Variants in DHX32 observed in about 807,000 individuals in gnomAD.
DHX32 encodes the protein DEAH-box helicase 32 (putative).
Under a neutral mutation model 70.0 loss-of-function variants are expected in DHX32, and 51 were observed. The observed-to-expected ratio is 0.73, with a 90% confidence interval of 0.58 to 0.92. The LOEUF is 0.92. Among genes scored for constraint, DHX32 ranks in the 40% least tolerant of loss-of-function variants. The pLI, the probability that DHX32 is intolerant of heterozygous loss-of-function variation, is 0.00. For synonymous variants in DHX32, 310 were observed against 315.3 expected, an observed-to-expected ratio of 0.98 and a Z score of 0.18; for missense variants, 762 against 891.8, an observed-to-expected ratio of 0.85 and a Z score of 1.85.
At chr10:125,879,015 G>GTTT (rs35025096) in intron 1 of DHX32, among the ~76,000 whole-genome samples, 5 of 56,674 alleles carry the variant, frequency 8.8e-5, no homozygotes, top group Non-Finnish European at 1.2e-4. Flanking sequence ...GCCTTTTCTT[G>GTTT]TTTTTTTTTT....
intron 10 of DHX32, 91 bp downstream of exon 10, chr10:125,838,115 T>C: frequency 1.6e-6 from 2 of 1,262,216 alleles, no homozygotes; most frequent in Non-Finnish European, 1.1e-6. Flanking sequence ...GTATAAACTT[T>C]AGAACTAAGA....
In DHX32 at chr10:125,854,049, C is replaced by T; in HGVS notation, c.1004G>A (p.Arg335Lys). 2 of 1,614,072 alleles carry T rather than the reference C, an allele frequency of 1.2e-6. No homozygotes were observed. Among genetic ancestry groups the T allele is most frequent in the East Asian group, 4.5e-5 (2 of 44,864 alleles). ...TEKRCQVYQR[R>K]VVLTTSSGEF... ...TCCAGAGCTAGTAGTTAACACCACT[C>T]TTCTTTGATAAACTTGGCATCTTTT... Residue 335 changes from arginine (R) to lysine (K), a missense_variant, in exon 4 of 11, where the codon AGA (arginine) becomes AAA (lysine). Arg to Lys is a conservative substitution (Grantham distance 26, BLOSUM62 2). Transcript: ENST00000284690.
At chr10:125,861,104 G>C (rs1944185444) in intron 2 of DHX32, among the ~76,000 whole-genome samples, 1 of 151,974 alleles carries the variant, frequency 6.6e-6, no homozygotes, top group African/African-American at 2.4e-5. Flanking sequence ...ATTTATTCTT[G>C]TACATGGCAA....
chr10:125,836,426 AC>A lies in DHX32; in HGVS notation c.*260del. 6.9e-7 allele frequency: 1 copy of A among 1,445,836 alleles called. No individual in the cohort carries two copies. The highest frequency in any genetic ancestry group is 2.5e-5 in the East Asian group (1 of 39,566). 89.6% of individuals were successfully genotyped at this position (1,445,836 alleles called of 1,614,324 possible). ...TGTGTCTCTGACACATTTACAAAAT[AC>A]CAGTTTTTTAAAATTTTGGTCAAAT... On this transcript the variant is annotated 3_prime_UTR_variant, in exon 11 of 11. Transcript: ENST00000284690.
At chr10:125,854,229 T>C in intron 3 of DHX32, 26 bp from the exon 4 acceptor site, 1 of 1,558,160 alleles carries the variant, frequency 6.4e-7, no homozygotes, top group Non-Finnish European at 8.6e-7. Context: ...CCCATGAAAA[T>C]AAAATACAAT....
chr10:125,889,344 T>C (rs1055365670), intron 1 of DHX32, among the ~76,000 whole-genome samples: 7 of 152,196 alleles, frequency 4.6e-5, no homozygotes, highest in African/African-American at 1.4e-4. Flanking sequence ...ATAAACAATA[T>C]ACTTACACTC....
rs1854866242 is a variant in DHX32 at position 125,841,125 on chromosome 10, A to G, written c.1544-129T>C. 5.9e-6 allele frequency: 8 copies of G among 1,366,754 alleles called. No homozygotes were observed. In the South Asian group the frequency reaches 6.9e-5, roughly 12 times the overall value. 84.7% of individuals were successfully genotyped at this position (1,366,754 alleles called of 1,614,324 possible). On this transcript the variant is annotated intron_variant, in intron 7 of 10. Coordinates refer to ENST00000284690, the MANE Select transcript of DHX32 (RefSeq NM_018180.3). ...TCTTGGTACTCTGAATAAATATGTT[A>G]TTCTTGTTTACTTAGAAATCCCAGA...
At position 125,836,508 on chromosome 10, in the gene DHX32, T is replaced by C. The variant is rs923666207; in HGVS notation, c.*179A>G. ...GAAGAAGAAAAGCATGGAGTAGTAA[T>C]TTAAAGAACTCAATAAAAACTTCTA... On this transcript the variant is annotated 3_prime_UTR_variant, in exon 11 of 11. Transcript: ENST00000284690. The C allele has an allele frequency of 1.5e-5, 21 of 1,357,534 alleles. No individual in the cohort carries two copies. The highest frequency in any genetic ancestry group is 1.9e-5 in the Non-Finnish European group (20 of 1,042,180). The allele number at this position is 1,357,534 out of a possible 1,614,324, so 84.1% of individuals were successfully genotyped here. A position where few individuals can be genotyped will look rare whatever the true frequency, so the allele number is the denominator to read the frequency against.
chr10:125,868,519 T>C lies in DHX32; in HGVS notation c.283-1336A>G, dbSNP rs1221012305. On this transcript the variant is annotated intron_variant, in intron 1 of 10. Coordinates refer to ENST00000284690, the MANE Select transcript of DHX32 (RefSeq NM_018180.3). ...ATGACTGCTGTAGACTGTAAATTCCTAAGGACTGAAAGGCAAATGCACTTC... is the reference window on the plus strand; with the variant it reads ...ATGACTGCTGTAGACTGTAAATTCCCAAGGACTGAAAGGCAAATGCACTTC... Among the ~76,000 whole-genome samples the C allele has an allele frequency of 2.0e-5, 3 of 152,220 alleles. No individual in the cohort carries two copies. In the East Asian group the frequency reaches 5.8e-4, roughly 29 times the overall value.
At chr10:125,856,959 T>A (rs576927450) in intron 3 of DHX32, among the ~76,000 whole-genome samples, 1 of 152,148 alleles carries the variant, frequency 6.6e-6, no homozygotes, top group Non-Finnish European at 1.5e-5. Context: ...TGTCTCTAAG[T>A]AAATAAATAC....
intron 3 of DHX32, among the ~76,000 whole-genome samples, chr10:125,858,300 A>G (rs1340412286): frequency 1.3e-5 from 2 of 152,112 alleles, no homozygotes; most frequent in Non-Finnish European, 2.9e-5. Flanking sequence ...AGAACCTCCA[A>G]CTGTTTTCAT....
chr10:125,887,839 G>A (rs1944348373), intron 1 of DHX32, among the ~76,000 whole-genome samples: 1 of 152,032 alleles, frequency 6.6e-6, no homozygotes, highest in Non-Finnish European at 1.5e-5. Context: ...AGTCATTAGT[G>A]AGATTAGGTA....
intron 4 of DHX32, chr10:125,853,114 T>A: frequency 1.3e-6 from 2 of 1,585,086 alleles, no homozygotes; most frequent in East Asian, 4.5e-5. Flanking sequence ...TAACAATGAT[T>A]TTCCTTACAG....
chr10:125,867,672 C>T (rs1210714223), intron 1 of DHX32, among the ~76,000 whole-genome samples: 1 of 147,672 alleles, frequency 6.8e-6, no homozygotes, highest in Non-Finnish European at 1.5e-5. Context: ...GGAGGCGGAG[C>T]TTGCAGTGAG....
At chr10:125,894,099 A>T (rs1201495376) in intron 1 of DHX32, among the ~76,000 whole-genome samples, 5 of 137,930 alleles carry the variant, frequency 3.6e-5, no homozygotes, top group South Asian at 4.8e-4. Flanking sequence ...GACTTAAAAA[A>T]ATATATATAG....
chr10:125,864,474 T>C (rs1424581408), intron 2 of DHX32, among the ~76,000 whole-genome samples: 1 of 152,188 alleles, frequency 6.6e-6, no homozygotes, highest in Non-Finnish European at 1.5e-5. Context: ...ATACATACTT[T>C]AATATATAGT....
chr10:125,882,461 TGA>T (rs1396507825), upstream of DHX32, among the ~76,000 whole-genome samples: 1 of 152,116 alleles, frequency 6.6e-6, no homozygotes, highest in Non-Finnish European at 1.5e-5. Context: ...AAACATTTGC[TGA>T]GTGTCTTCTA....
intron 2 of DHX32, among the ~76,000 whole-genome samples, chr10:125,864,760 C>T (rs1419355052): frequency 1.3e-5 from 2 of 151,540 alleles, no homozygotes; most frequent in East Asian, 3.9e-4. Flanking sequence ...GAAACCCCGT[C>T]TCTACTAAAA....
intron 1 of DHX32, among the ~76,000 whole-genome samples, chr10:125,876,691 C>A (rs1459552809): frequency 1.3e-5 from 2 of 152,132 alleles, no homozygotes; most frequent in African/African-American, 2.4e-5. Flanking sequence ...GAATATATAA[C>A]CTGTGCTCTT....
Sources: allele counts gnomAD v4.1 joint callset (sites outside exome capture counted in the v4.1 genomes callset), GRCh38; gene constraint gnomAD v4.1.1; transcripts MANE v1.5; gene names NCBI Gene and HGNC (gene_info 2026-07-23, HGNC 2026-07-21).